Variants in HIVEP1 observed in about 807,000 individuals in gnomAD.
HIVEP1 encodes the protein HIVEP zinc finger 1.
In HIVEP1, 36 loss-of-function variants were observed where a neutral mutation model predicts 180.0. The observed-to-expected ratio is 0.20, with a 90% CI of 0.15 to 0.26. The LOEUF (loss-of-function observed/expected upper bound fraction) is 0.26, where lower values mean the gene tolerates loss of function less well. Among genes scored for constraint, HIVEP1 ranks in the 10% least tolerant of loss-of-function variants. The pLI is 1.00. For synonymous variants in HIVEP1, 1,239 were observed against 1,239.0 expected, an observed-to-expected ratio of 1.00 and a Z score of 0.00; for missense variants, 3,143 against 3,268.7, an observed-to-expected ratio of 0.96 and a Z score of 0.94.
intron 2 of HIVEP1, among the ~76,000 whole-genome samples, chr6:12,072,344 G>T (rs1029064026): frequency 8.5e-5 from 13 of 152,222 alleles, no homozygotes; most frequent in African/African-American, 3.1e-4. Context: ...ATTCTAGTTA[G>T]ACATTTTTAA....
intron 3 of HIVEP1, among the ~76,000 whole-genome samples, chr6:12,106,439 GTA>G (rs1774437503): frequency 6.6e-6 from 1 of 151,876 alleles, no homozygotes; most frequent in Non-Finnish European, 1.5e-5. Flanking sequence ...AAAATTTTCT[GTA>G]TGTTTAGAAT....
the HIVEP1 span, among the ~76,000 whole-genome samples, chr6:12,193,073 C>T: frequency 6.6e-6 from 1 of 152,134 alleles, no homozygotes; most frequent in Non-Finnish European, 1.5e-5. Flanking sequence ...CTTACTCAGC[C>T]TCCCAAAGTG....
intron 2 of HIVEP1, among the ~76,000 whole-genome samples, chr6:12,082,760 T>C (rs1023383616): frequency 1.3e-5 from 2 of 152,158 alleles, no homozygotes; most frequent in Non-Finnish European, 2.9e-5. Flanking sequence ...AGGAATTGCT[T>C]ATTTATTTCC....
chr6:12,121,623 C>G lies in HIVEP1; in HGVS notation c.1828C>G (p.Gln610Glu), dbSNP rs1309458944. The G allele has an allele frequency of 1.2e-6, 2 of 1,614,138 alleles. No homozygotes were observed. Among genetic ancestry groups the G allele is most frequent in the Admixed American group, 1.7e-5 (1 of 60,024 alleles). Residue 610 changes from glutamine to glutamate, a missense_variant, in exon 4 of 9, where the codon CAG becomes GAG. Physicochemically the swap from Gln to Glu is conservative, Grantham distance 29. Around this residue, in one of 12 missense-constraint regions of HIVEP1, gnomAD observed 365 missense variants for 344.4 expected, o/e 1.06. Coordinates refer to ENST00000379388, the MANE Select transcript of HIVEP1 (RefSeq NM_002114.4). The surrounding 1 kb of genome is among the most constrained non-coding windows in gnomAD (Gnocchi z 5.3). ...ACAGCCACTTTCAGCCAACATGTCCCAGGGTGGAGTCTCCAGGTTGGAGAC... is the reference window on the plus strand; with the variant it reads ...ACAGCCACTTTCAGCCAACATGTCCGAGGGTGGAGTCTCCAGGTTGGAGAC... ...NVQPLSANMS[Q>E]GGVSRLETNE...
Position 12,164,125 on chromosome 6 carries a change from G to T in HIVEP1, c.7821G>T (p.Gln2607His). The T allele has an allele frequency of 1.2e-6, 2 of 1,614,190 alleles. No individual in the cohort carries two copies. Among genetic ancestry groups the T allele is most frequent in the Non-Finnish European group, 1.7e-6 (2 of 1,180,040 alleles). ...TESPQGLPTVQRENAKKVLNP... is the reference protein window; with the variant it reads ...TESPQGLPTVHRENAKKVLNP... ...CTCCTCAGGGGTTACCTACAGTCCAGCGGGAAAATGCAAAAAAAGTTCTGA... is the reference window on the plus strand; with the variant it reads ...CTCCTCAGGGGTTACCTACAGTCCATCGGGAAAATGCAAAAAAAGTTCTGA... The change falls in exon 9 of 9, where the codon CAG becomes CAT. Residue 2607 changes from glutamine to histidine, a missense_variant. Gln to His is a conservative substitution (Grantham distance 24). Around this residue, in one of 12 missense-constraint regions of HIVEP1, gnomAD observed 595 missense variants for 602.2 expected, o/e 0.99. Transcript: ENST00000379388.
chr6:12,062,044 G>A (rs1771272719), intron 2 of HIVEP1, among the ~76,000 whole-genome samples: 1 of 152,152 alleles, frequency 6.6e-6, no homozygotes, highest in South Asian at 2.1e-4. Context: ...ACTGCTTAAT[G>A]CATATTACAA....
intron 7 of HIVEP1, among the ~76,000 whole-genome samples, chr6:12,157,119 A>G (rs1760108839): frequency 6.6e-6 from 1 of 152,110 alleles, no homozygotes; most frequent in Non-Finnish European, 1.5e-5. Flanking sequence ...ATATTAGTAT[A>G]GTTTCTGCAG....
intron 2 of HIVEP1, among the ~76,000 whole-genome samples, chr6:12,065,688 T>C (rs983306621): frequency 7.1e-5 from 5 of 70,388 alleles, no homozygotes; most frequent in Non-Finnish European, 6.2e-5. Flanking sequence ...TGTGTGTGTG[T>C]GTGCGTGTGT....
rs1321105558 is a variant in HIVEP1, at chr6:12,164,668, T to C, written c.*207T>C. On this transcript the variant is annotated 3_prime_UTR_variant, in exon 9 of 9. Transcript: ENST00000379388. ...AGACAATTGTGCCTTTTAGGAGCTT[T>C]ATGTTTAGAAACTGTACAGATTGTT... is the stretch of plus-strand genomic sequence containing the variant. 1 of 487,732 alleles carries C rather than the reference T, an allele frequency of 2.1e-6. No homozygotes were observed. Among genetic ancestry groups the C allele is most frequent in the South Asian group, 3.2e-5 (1 of 31,188 alleles). The allele number at this position is 487,732 out of a possible 1,614,324, so 30.2% of individuals were successfully genotyped here. A position where few individuals can be genotyped will look rare whatever the true frequency, so the allele number is the denominator to read the frequency against.
the HIVEP1 span, among the ~76,000 whole-genome samples, chr6:12,175,960 C>G: frequency 6.6e-6 from 1 of 152,242 alleles, no homozygotes; most frequent in South Asian, 2.1e-4. Context: ...ACTGGGCCCT[C>G]CACAGAGTCC....
chr6:12,082,349 G>C (rs918636921), intron 2 of HIVEP1, among the ~76,000 whole-genome samples: 2 of 152,018 alleles, frequency 1.3e-5, no homozygotes, highest in Non-Finnish European at 2.9e-5. Flanking sequence ...TATTCATTGA[G>C]CACCTTCAAA....
In HIVEP1 at chr6:12,071,049, T is replaced by C. The variant is rs1170744986; in HGVS notation, c.41-18135T>C. ...TCAGTAGGTCCTGACTTCATCAGTC[T>C]ATAGTGTTCTGTTCCAGCATTCTTT... On this transcript the variant is annotated intron_variant, in intron 2 of 8. Transcript: ENST00000379388. Among the ~76,000 whole-genome samples, 3 of 152,222 alleles carry C rather than the reference T, an allele frequency of 2.0e-5. No individual in the cohort carries two copies. In the East Asian group the frequency reaches 5.8e-4, roughly 29 times the overall value.
At chr6:12,020,890 C>CCTT (rs1768142482) in intron 2 of HIVEP1, among the ~76,000 whole-genome samples, 1 of 105,778 alleles carries the variant, frequency 9.5e-6, no homozygotes, top group Non-Finnish European at 1.8e-5. Context: ...TTCTTTCTTT[C>CCTT]TTTTTTTTTT....
At chr6:12,084,831 G>C (rs181891595) in intron 2 of HIVEP1, among the ~76,000 whole-genome samples, 10 of 152,206 alleles carry the variant, frequency 6.6e-5, no homozygotes, top group Non-Finnish European at 4.4e-5. Flanking sequence ...GTACCCAGCA[G>C]AACAGCATGA....
intron 7 of HIVEP1, among the ~76,000 whole-genome samples, chr6:12,152,643 C>CT (rs1390804272): frequency 1.3e-5 from 2 of 152,156 alleles, no homozygotes; most frequent in Non-Finnish European, 2.9e-5. Context: ...GGTTTTTAAA[C>CT]TTTGACAGTG....
chr6:12,063,514 C>T lies in HIVEP1; in HGVS notation c.41-25670C>T, dbSNP rs1287677251. Reference sequence around the variant, plus strand: ...AGCTGGCTCATGTTGGCAGGTGTGGCTGCACGTGGAAGGTGGGTTGGAAGG... The same window carrying T: ...AGCTGGCTCATGTTGGCAGGTGTGGTTGCACGTGGAAGGTGGGTTGGAAGG... On this transcript the variant is annotated intron_variant, in intron 2 of 8. Transcript: ENST00000379388. This position sits in a 1 kb window ranked among gnomAD's most constrained non-coding sequence, Gnocchi z 4.2. Among the ~76,000 whole-genome samples, 1 of 152,004 alleles carries T rather than the reference C, an allele frequency of 6.6e-6. No homozygotes were observed. The highest frequency in any genetic ancestry group is 1.5e-5 in the Non-Finnish European group (1 of 67,994).
chr6:12,114,484 C>T (rs759409520), intron 3 of HIVEP1, among the ~76,000 whole-genome samples: 11 of 151,968 alleles, frequency 7.2e-5, no homozygotes, highest in Non-Finnish European at 1.0e-4. Flanking sequence ...ATTACCCATC[C>T]TTCTCATGTC....
chr6:12,071,471 A>C (rs1771964784), intron 2 of HIVEP1, among the ~76,000 whole-genome samples: 1 of 152,192 alleles, frequency 6.6e-6, no homozygotes, highest in African/African-American at 2.4e-5. Context: ...TTTCCTATTT[A>C]TACCCTTCTT....
rs750539459 is a variant in HIVEP1 at position 12,121,462 on chromosome 6, C to T, written c.1667C>T (p.Ala556Val). 4.0e-5 allele frequency: 64 copies of T among 1,614,050 alleles called. No individual in the cohort carries two copies. The highest frequency in any genetic ancestry group is 3.9e-5 in the Non-Finnish European group (46 of 1,180,028). Residue 556 changes from alanine (A) to valine (V), a missense_variant, in exon 4 of 9, where the codon GCT becomes GTT. Ala to Val is a moderately conservative substitution (Grantham distance 64). This residue lies in a region of HIVEP1 where 365 missense variants were observed against 344.4 expected (regional missense o/e 1.06). Coordinates refer to ENST00000379388, the MANE Select transcript of HIVEP1 (RefSeq NM_002114.4). This position sits in a 1 kb window ranked among gnomAD's most constrained non-coding sequence, Gnocchi z 5.3. ...LLQDRSAESQ[A>V]VTELPKVVVH... ...CAGGACAGATCTGCAGAATCACAAGCTGTGACAGAGTTACCGAAAGTTGTG... is the reference window on the plus strand; with the variant it reads ...CAGGACAGATCTGCAGAATCACAAGTTGTGACAGAGTTACCGAAAGTTGTG...
Sources: allele counts gnomAD v4.1 joint callset (sites outside exome capture counted in the v4.1 genomes callset), GRCh38; gene constraint gnomAD v4.1.1; regional missense constraint gnomAD v4.1.1; non-coding constraint Gnocchi (gnomAD v3.1); transcripts MANE v1.5; gene names NCBI Gene and HGNC (gene_info 2026-07-23, HGNC 2026-07-21).